The following DMD variants were observed in gnomAD, a reference collection of about 807,000 sequenced individuals.
DMD encodes mutant dystrophin.
Under a neutral mutation model 330.1 loss-of-function variants are expected in DMD, and 63 were observed. The ratio of observed to expected loss-of-function variants is 0.19; its 90% CI spans 0.16 to 0.24. The LOEUF (loss-of-function observed/expected upper bound fraction) is 0.24, where lower values mean the gene tolerates loss of function less well. DMD is among the 10% of genes least tolerant of loss of function. The pLI is 1.00. For missense variants in DMD, 3,344 were observed against 2,684.1 expected, an observed-to-expected ratio of 1.25 and a Z score of -5.43; for synonymous variants, 1,223 against 959.8, an observed-to-expected ratio of 1.27 and a Z score of -5.07.
At chrX:32,132,986 T>G in intron 44 of DMD, among the ~76,000 whole-genome samples, 1 of 27,499 alleles carries the variant, frequency 3.6e-5, no homozygotes, top group South Asian at 2.8e-3. Flanking sequence ...ATCACTCCTT[T>G]TCTTTTCTTT....
At chrX:32,488,094 T>G (rs1182727487) in intron 20 of DMD, among the ~76,000 whole-genome samples, 1 of 111,490 alleles carries the variant, frequency 9.0e-6, no homozygotes, top group East Asian at 2.8e-4. Context: ...AAAGGGGACT[T>G]TGAAACTAAT....
At chrX:31,997,951 T>C (rs144952605) in intron 44 of DMD, among the ~76,000 whole-genome samples, 3,278 of 111,346 alleles carry the variant, frequency 0.029, 112 homozygotes, top group African/African-American at 0.096. Flanking sequence ...TTAAAGCACT[T>C]TATGGAATTC....
chrX:32,349,362 T>C (rs1264734357), intron 37 of DMD, among the ~76,000 whole-genome samples: 1 of 111,711 alleles, frequency 9.0e-6, no homozygotes, highest in Non-Finnish European at 1.9e-5. Flanking sequence ...TTATGCTGTA[T>C]TTCTTTCCAT....
At chrX:32,618,801 C>T (rs905625235) in intron 11 of DMD, among the ~76,000 whole-genome samples, 4 of 110,892 alleles carry the variant, frequency 3.6e-5, no homozygotes, top group Non-Finnish European at 5.7e-5. Flanking sequence ...GCATGTATTA[C>T]GTACCTGCAA....
intron 2 of DMD, among the ~76,000 whole-genome samples, chrX:32,851,179 C>T (rs1192075291): frequency 1.8e-5 from 2 of 110,923 alleles, no homozygotes; most frequent in East Asian, 2.9e-4. Context: ...TAAACTTCCA[C>T]GATTAAAAAC....
intron 29 of DMD, among the ~76,000 whole-genome samples, chrX:32,418,328 C>A (rs1257988671): frequency 9.0e-6 from 1 of 110,858 alleles, no homozygotes; most frequent in Non-Finnish European, 1.9e-5. Flanking sequence ...GAATGTGGTC[C>A]AGCAGAAGAC....
At chrX:32,372,065 G>A (rs540949511) in intron 34 of DMD, among the ~76,000 whole-genome samples, 1 of 111,457 alleles carries the variant, frequency 9.0e-6, no homozygotes, top group African/African-American at 3.2e-5. Context: ...TAGTATTACA[G>A]TTTTGCTATG....
intron 55 of DMD, among the ~76,000 whole-genome samples, chrX:31,569,670 G>A (rs1039275138): frequency 2.0e-5 from 2 of 98,214 alleles, no homozygotes; most frequent in Admixed American, 1.1e-4. Flanking sequence ...GTATATATAC[G>A]TATATATATA....
At chrX:32,883,814 A>G (rs113324994) in intron 2 of DMD, among the ~76,000 whole-genome samples, 1,281 of 70,356 alleles carry the variant, frequency 0.018, 37 homozygotes, top group African/African-American at 0.07. Context: ...ACAGAGCAAG[A>G]CTCTGTTTCA....
intron 13 of DMD, among the ~76,000 whole-genome samples, chrX:32,583,996 T>C (rs1340928695): frequency 9.0e-6 from 1 of 111,354 alleles, no homozygotes; most frequent in Non-Finnish European, 1.9e-5. Flanking sequence ...TGAAGAGATA[T>C]ATCATTACGG....
chrX:31,129,700 C>T lies in DMD; in HGVS notation c.11015-3027G>A, dbSNP rs750949101. 5.4e-5 allele frequency among the ~76,000 whole-genome samples: 6 copies of T among 111,825 alleles called. No homozygotes were observed. In the South Asian group the frequency reaches 1.5e-3, roughly 28 times the overall value. On this transcript the variant is annotated intron_variant, in intron 77 of 78. Coordinates refer to ENST00000357033, the MANE Select transcript of DMD (RefSeq NM_004006.3). ...TATTGGGCCAGATTTGGCATTTGGG[C>T]TGTATGTAGTTTGCTAGTCCTGGAT...
At chrX:32,375,659 C>A (rs1282596395) in intron 34 of DMD, among the ~76,000 whole-genome samples, 1 of 111,736 alleles carries the variant, frequency 8.9e-6, no homozygotes, top group East Asian at 2.8e-4. Context: ...TTTTGTCTTT[C>A]CTCACAGAGA....
intron 1 of DMD, among the ~76,000 whole-genome samples, chrX:33,048,094 T>A (rs1316462457): frequency 8.9e-6 from 1 of 112,377 alleles, no homozygotes; most frequent in Non-Finnish European, 1.9e-5. Context: ...CATATAATAT[T>A]TTTGTTAAGA....
At chrX:31,528,253 T>C (rs1320446269) in intron 55 of DMD, among the ~76,000 whole-genome samples, 2 of 107,887 alleles carry the variant, frequency 1.9e-5, no homozygotes, top group Non-Finnish European at 3.8e-5. Flanking sequence ...AGGAACACTT[T>C]ACTATTATTT....
intron 1 of DMD, among the ~76,000 whole-genome samples, chrX:33,263,433 T>TTAA (rs1557310294): frequency 9.5e-6 from 1 of 105,220 alleles, no homozygotes; most frequent in African/African-American, 3.6e-5. Flanking sequence ...GAGAGCTTTT[T>TTAA]AAAAAATATA....
At chrX:33,223,147 T>C (rs759055008) in intron 1 of DMD, among the ~76,000 whole-genome samples, 52 of 110,766 alleles carry the variant, frequency 4.7e-4, no homozygotes, top group Non-Finnish European at 5.7e-5. Context: ...CCGTCTGTAC[T>C]AAAAACAACA....
intron 5 of DMD, among the ~76,000 whole-genome samples, chrX:32,818,714 G>C (rs775544025): frequency 1.8e-5 from 2 of 111,355 alleles, no homozygotes; most frequent in Admixed American, 9.5e-5. Context: ...GGAAGGGCTT[G>C]TTGCTCCAGC....
intron 12 of DMD, among the ~76,000 whole-genome samples, chrX:32,607,173 G>A (rs1485341035): frequency 1.8e-5 from 2 of 110,292 alleles, no homozygotes; most frequent in Non-Finnish European, 1.9e-5. Context: ...TATTACTAGA[G>A]TTAAATGAGA....
chrX:31,687,614 G>A (rs2082772619), intron 52 of DMD, among the ~76,000 whole-genome samples: 1 of 111,795 alleles, frequency 8.9e-6, no homozygotes, highest in South Asian at 3.8e-4. Context: ...ACTTTATATT[G>A]TGGTGTGAGT....
Sources: allele counts gnomAD v4.1 joint callset (sites outside exome capture counted in the v4.1 genomes callset), GRCh38; gene constraint gnomAD v4.1.1; transcripts MANE v1.5; gene names NCBI Gene and HGNC (gene_info 2026-07-23, HGNC 2026-07-21).